SH3PXD2A: variants seen among roughly 807,000 people sequenced by gnomAD.
SH3PXD2A encodes the protein SH3 and PX domain-containing protein 2A.
A neutral mutation model predicts 115.2 loss-of-function variants in SH3PXD2A; 32 were observed. The observed-to-expected ratio is 0.28, with a 90% CI of 0.21 to 0.37. The LOEUF is 0.37. SH3PXD2A is among the 10% of genes least tolerant of loss of function. The probability of loss-of-function intolerance (pLI) is 1.00; values close to 1 mark genes in which losing one functional copy is unlikely to be tolerated. For missense variants in SH3PXD2A, 1,328 were observed against 1,498.7 expected, an observed-to-expected ratio of 0.89 and a Z score of 1.88; for synonymous variants, 610 against 629.1, an observed-to-expected ratio of 0.97 and a Z score of 0.45.
intron 5 of SH3PXD2A, among the ~76,000 whole-genome samples, chr10:103,702,596 C>CGTGCGTGTGTGTGTGTGT (rs1554913268): frequency 3.4e-5 from 5 of 147,448 alleles, no homozygotes; most frequent in African/African-American, 1.0e-4. Context: ...TGTGTGTGTG[C>CGTGCGTGTGTGTGTGTGT]GTGTGTGTGT....
rs1331007063 is a variant in SH3PXD2A at position 103,746,129 on chromosome 10, G to A, written c.230-10321C>T. 1 of 152,232 alleles carries A rather than the reference G, an allele frequency of 6.6e-6. No homozygotes were observed. 9.4% of individuals were successfully genotyped at this position (152,232 alleles called of 1,614,324 possible). ...ACCCAGTAAGCAGAGCCAGGCTGAAGGGAACAGTATCTTTCTCTCCCTCAC... is the reference window on the plus strand; with the variant it reads ...ACCCAGTAAGCAGAGCCAGGCTGAAAGGAACAGTATCTTTCTCTCCCTCAC... On this transcript the variant is annotated intron_variant, in intron 3 of 14. Transcript: ENST00000369774. This position sits in a 1 kb window ranked among gnomAD's most constrained non-coding sequence, Gnocchi z 4.4.
intron 7 of SH3PXD2A, 31 bp from the exon 8 acceptor site, chr10:103,661,145 AGCGGCCAGCCATGGCCCC>A (rs753938186): frequency 6.2e-7 from 1 of 1,607,116 alleles, no homozygotes; most frequent in Non-Finnish European, 8.5e-7. Context: ...GCGGTGAGCC[AGCGGCCAGCCATGGCCCC>A]GCGGCCAGGG....
chr10:103,706,068 TAGGGAGGTCACAACTTC>T lies in SH3PXD2A; in HGVS notation c.399-13029_399-13013del, dbSNP rs1441404878. Among the ~76,000 whole-genome samples the T allele has an allele frequency of 4.6e-5, 7 of 151,958 alleles. No individual in the cohort carries two copies. In the East Asian group the frequency reaches 1.2e-3, roughly 25 times the overall value. ...CATCACTGAGTTCTAGACTCTTCCT[TAGGGAGGTCACAACTTC>T]AGGGCTGGCATGAGAATGTCCAACA... is the stretch of plus-strand genomic sequence containing the variant. On this transcript the variant is annotated intron_variant, in intron 5 of 14. Transcript: ENST00000369774.
chr10:103,793,500 C>T (rs1311653657), intron 2 of SH3PXD2A, among the ~76,000 whole-genome samples: 1 of 152,202 alleles, frequency 6.6e-6, no homozygotes, highest in African/African-American at 2.4e-5. Flanking sequence ...TATGGATGGT[C>T]TTTTAGGCTG....
In SH3PXD2A at chr10:103,661,696, G is replaced by A. The variant is rs2037306618; in HGVS notation, c.473-582C>T. On this transcript the variant is annotated intron_variant, in intron 7 of 14. Transcript: ENST00000369774. The stretch of plus-strand genomic sequence containing the variant: ...GAGAGGGAGAGGAGAGAGCGGGAGA[G>A]AGCTTCTCCACGGCCCAGGCCCAGG... The A allele has an allele frequency of 3.0e-6, 3 of 985,272 alleles. No individual in the cohort carries two copies. The African/African-American group carries it at 5.2e-5, about 17-fold the overall frequency. The allele number at this position is 985,272 out of a possible 1,614,324, so 61.0% of individuals were successfully genotyped here.
At chr10:103,612,538 T>C (rs2036444488) in intron 12 of SH3PXD2A, among the ~76,000 whole-genome samples, 1 of 152,250 alleles carries the variant, frequency 6.6e-6, no homozygotes, top group African/African-American at 2.4e-5. Context: ...AAACATTTCT[T>C]GCTCTTGGAA....
chr10:103,695,658 C>G (rs943434234), intron 5 of SH3PXD2A, among the ~76,000 whole-genome samples: 1 of 152,194 alleles, frequency 6.6e-6, no homozygotes, highest in Non-Finnish European at 1.5e-5. Context: ...CAGGGCCCCA[C>G]CCCAACCTAC....
Position 103,603,268 on chromosome 10 carries a change from C to T in SH3PXD2A, c.1950G>A (p.Leu650=), listed in dbSNP as rs2036247728. ...TGGGGGAGTTTTTCCTGGTCAGGGACAGCGAGGAGCTGCCTGGGGAGTCGC... is the reference window on the plus strand; with the variant it reads ...TGGGGGAGTTTTTCCTGGTCAGGGATAGCGAGGAGCTGCCTGGGGAGTCGC... The part of the protein sequence containing the change: ...GDSDSPGSSS[L]SLTRKNSPKS... The change falls in exon 15 of 15, where the codon CTG becomes CTA. Residue 650 remains leucine (L), a synonymous_variant. Coordinates refer to ENST00000369774, the MANE Select transcript of SH3PXD2A (RefSeq NM_001394015.1). The T allele has an allele frequency of 6.2e-7, 1 of 1,614,074 alleles. No homozygotes were observed. The highest frequency in any genetic ancestry group is 8.5e-7 in the Non-Finnish European group (1 of 1,180,010).
chr10:103,854,714 GC>G (rs1842924434), intron 1 of SH3PXD2A, among the ~76,000 whole-genome samples: 1 of 152,168 alleles, frequency 6.6e-6, no homozygotes, highest in Non-Finnish European at 1.5e-5. Flanking sequence ...GCTTCCTTCT[GC>G]CCCCAGCCCC....
At chr10:103,751,525 T>C (rs2038579650) in intron 3 of SH3PXD2A, among the ~76,000 whole-genome samples, 1 of 152,238 alleles carries the variant, frequency 6.6e-6, no homozygotes, top group Non-Finnish European at 1.5e-5. Flanking sequence ...AGGAGCACTA[T>C]GGGGATCTGA....
At chr10:103,660,237 G>A (rs2037272176) in intron 8 of SH3PXD2A, among the ~76,000 whole-genome samples, 1 of 152,152 alleles carries the variant, frequency 6.6e-6, no homozygotes, top group Non-Finnish European at 1.5e-5. Context: ...CCTGTTGGGG[G>A]CCGAACAAGC....
intron 5 of SH3PXD2A, among the ~76,000 whole-genome samples, chr10:103,713,868 A>C (rs1307731313): frequency 6.6e-6 from 1 of 152,208 alleles, no homozygotes; most frequent in Non-Finnish European, 1.5e-5. Context: ...TGTGGAAGCA[A>C]GCCAGGCCCA....
chr10:103,719,104 A>C (rs1226316342), intron 5 of SH3PXD2A, among the ~76,000 whole-genome samples: 1 of 152,094 alleles, frequency 6.6e-6, no homozygotes, highest in African/African-American at 2.4e-5. Context: ...GAACTGTGAG[A>C]ATTTTATTTC....
At chr10:103,829,297 G>A (rs1024227513) in intron 1 of SH3PXD2A, among the ~76,000 whole-genome samples, 5 of 152,148 alleles carry the variant, frequency 3.3e-5, no homozygotes, top group South Asian at 2.1e-4. Flanking sequence ...TGGGAGGCAC[G>A]CAGGCATCCG....
intron 13 of SH3PXD2A, 64 bp downstream of exon 13, chr10:103,611,517 T>C: frequency 7.1e-7 from 1 of 1,412,762 alleles, no homozygotes. Context: ...AGCCAATTGA[T>C]CGGGTGGCTA....
At chr10:103,702,585 C>CTGTGTGTGCGTGTG (rs1554913245) in intron 5 of SH3PXD2A, among the ~76,000 whole-genome samples, 5 of 32,984 alleles carry the variant, frequency 1.5e-4, no homozygotes, top group African/African-American at 5.3e-4. Flanking sequence ...AGATGTAAGC[C>CTGTGTGTGCGTGTG]TGTGTGTGTG....
chr10:103,737,599 G>A (rs987440944), intron 3 of SH3PXD2A, among the ~76,000 whole-genome samples: 2 of 152,228 alleles, frequency 1.3e-5, no homozygotes, highest in Non-Finnish European at 2.9e-5. Context: ...GGGGGCTCCA[G>A]GAGATGACAG....
At position 103,602,395 on chromosome 10, in the gene SH3PXD2A, C is replaced by G. The variant is rs201840553; in HGVS notation, c.2823G>C (p.Gln941His). The G allele has an allele frequency of 1.3e-4, 206 of 1,614,036 alleles. No homozygotes were observed. The highest frequency in any genetic ancestry group is 9.0e-4 in the Admixed American group (54 of 60,032). ...GGATGGGGGGCGTGGCCTTCTTGCT[C>G]TGGTTGACGGTGTTCAGTGCTTGGA... ...RRVQALNTVNQSKKATPPIPS... is the reference protein window; with the variant it reads ...RRVQALNTVNHSKKATPPIPS... Residue 941 changes from glutamine to histidine, a missense_variant, in exon 15 of 15, where the codon CAG (glutamine) becomes CAC (histidine). By Grantham distance (24) the Gln-to-His change is conservative. Transcript: ENST00000369774.
At chr10:103,723,502 G>T (rs2038206757) in intron 5 of SH3PXD2A, among the ~76,000 whole-genome samples, 1 of 152,178 alleles carries the variant, frequency 6.6e-6, no homozygotes, top group African/African-American at 2.4e-5. Flanking sequence ...CAGCATGGCT[G>T]AGTGGGCCAT....
Sources: allele counts gnomAD v4.1 joint callset (sites outside exome capture counted in the v4.1 genomes callset), GRCh38; gene constraint gnomAD v4.1.1; non-coding constraint Gnocchi (gnomAD v3.1); transcripts MANE v1.5; gene names NCBI Gene and HGNC (gene_info 2026-07-23, HGNC 2026-07-21).